The following MRE11 variants were observed in gnomAD, a reference collection of about 807,000 sequenced individuals.
MRE11 encodes MRE11 double strand break repair nuclease.
In MRE11, 62 loss-of-function variants were observed where a neutral mutation model predicts 91.7. That is an observed-to-expected ratio of 0.68 (90% CI 0.55 to 0.84). MRE11 has a LOEUF of 0.84. Among genes scored for constraint, MRE11 ranks in the 40% least tolerant of loss-of-function variants. The pLI, the probability that MRE11 is intolerant of heterozygous loss-of-function variation, is 0.00. For missense variants in MRE11, 796 were observed against 852.9 expected (o/e 0.93, Z 0.83); for synonymous variants, 273 against 271.4 (o/e 1.01, Z -0.06).
At chr11:94,473,725 A>G (rs1946774963) in intron 7 of MRE11, among the ~76,000 whole-genome samples, 1 of 152,164 alleles carries the variant, frequency 6.6e-6, no homozygotes, top group South Asian at 2.1e-4. Context: ...AGAAAGGCTA[A>G]AGACTAAAAT....
intron 18 of MRE11, among the ~76,000 whole-genome samples, chr11:94,431,093 AATTTT>A (rs1265163101): frequency 3.3e-5 from 5 of 152,214 alleles, no homozygotes; most frequent in African/African-American, 9.6e-5. Context: ...CTTAGTCTAC[AATTTT>A]ATTAACATGC....
At chr11:94,464,033 T>C in intron 11 of MRE11, 80 bp downstream of exon 11, 1 of 1,439,642 alleles carries the variant, frequency 6.9e-7, no homozygotes, top group Non-Finnish European at 9.7e-7. Flanking sequence ...TCTTCCATTA[T>C]TATGTTACAG....
At position 94,460,980 on chromosome 11, in the gene MRE11, TTAA is replaced by T. The variant is rs1289160835; in HGVS notation, c.1279_1281del (p.Leu427del). The T allele has an allele frequency of 3.1e-6, 5 of 1,613,728 alleles. No individual in the cohort carries two copies. In the South Asian group the frequency reaches 5.5e-5, roughly 18 times the overall value. On this transcript the variant is annotated inframe_deletion, in exon 12 of 20. Coordinates refer to ENST00000323929, the MANE Select transcript of MRE11 (RefSeq NM_005591.4). ...TACTGTTTTACAAGATCTTCTACCC[TTAA>T]AGTTGTTCCTTCTGAAGGCTTTGTG...
chr11:94,461,142 T>C (rs1238344658), intron 11 of MRE11, 106 bp from the exon 12 acceptor site: 1 of 845,604 alleles, frequency 1.2e-6, no homozygotes, highest in Non-Finnish European at 1.9e-6. Flanking sequence ...CTTTAGCAAC[T>C]GCCAGCTTGC....
At chr11:94,425,405 A>G (rs997938297) in intron 19 of MRE11, among the ~76,000 whole-genome samples, 6 of 152,208 alleles carry the variant, frequency 3.9e-5, no homozygotes, top group South Asian at 4.1e-4. Context: ...ACACTTAAGG[A>G]CATAGCTTAG....
rs538251523 is a variant in MRE11 at position 94,470,443 on chromosome 11, T to C, written c.1017+28A>G. On this transcript the variant is annotated intron_variant, in intron 9 of 19. Transcript: ENST00000323929. The stretch of plus-strand genomic sequence containing the variant: ...TGAATAATTCTTCAACTAAAGTAGA[T>C]CTCATTGACTTTATCAAAAAGAATT... The C allele has an allele frequency of 5.8e-5, 93 of 1,603,246 alleles. 1 individual carries two copies. In the South Asian group the frequency reaches 9.8e-4, roughly 17 times the overall value.
intron 18 of MRE11, among the ~76,000 whole-genome samples, chr11:94,433,722 G>A (rs557562076): frequency 2.0e-5 from 3 of 152,190 alleles, no homozygotes; most frequent in African/African-American, 7.2e-5. Flanking sequence ...ATGATTATGA[G>A]GCCTCCCCAG....
chr11:94,485,119 ACTACTCGCCTGTAATCCCAG>A (rs1947106408), intron 4 of MRE11, among the ~76,000 whole-genome samples: 1 of 149,596 alleles, frequency 6.7e-6, no homozygotes, highest in Non-Finnish European at 1.5e-5. Flanking sequence ...TGTAATCCCA[ACTACTCGCCTGTAATCCCAG>A]CTACTCAGGA....
intron 17 of MRE11, among the ~76,000 whole-genome samples, chr11:94,436,181 A>T (rs112033036): frequency 1.3e-5 from 2 of 152,318 alleles, no homozygotes; most frequent in African/African-American, 4.8e-5. Flanking sequence ...GCATAGGCTC[A>T]TATGCAGACC....
chr11:94,492,797 C>G lies in MRE11; in HGVS notation c.5G>C (p.Ser2Thr), dbSNP rs1487843687. Residue 2 changes from serine to threonine, a missense_variant, in exon 2 of 20, where the codon AGT becomes ACT. Physicochemically the swap from Ser to Thr is moderately conservative, Grantham distance 58. Transcript: ENST00000323929. ...AGGTGCTTACAGTGCATCTGCAGTACTCATTTTTATGGTCAGTCAAGCTCC... is the reference window on the plus strand; with the variant it reads ...AGGTGCTTACAGTGCATCTGCAGTAGTCATTTTTATGGTCAGTCAAGCTCC... M[S>T]TADALDDENT... 5 of 1,613,838 alleles carry G rather than the reference C, an allele frequency of 3.1e-6. No individual in the cohort carries two copies. Among genetic ancestry groups the G allele is most frequent in the Non-Finnish European group, 2.5e-6 (3 of 1,179,910 alleles).
Position 94,485,958 on chromosome 11 carries a change from G to A in MRE11, c.280C>T (p.Leu94Phe). The A allele has an allele frequency of 1.2e-6, 2 of 1,613,346 alleles. No homozygotes were observed. Among genetic ancestry groups the A allele is most frequent in the South Asian group, 2.2e-5 (2 of 91,040 alleles). Residue 94 changes from leucine (L) to phenylalanine (F), a missense_variant, in exon 4 of 20, where the codon CTC becomes TTC. By Grantham distance (22) the Leu-to-Phe change is conservative. Coordinates refer to ENST00000323929, the MANE Select transcript of MRE11 (RefSeq NM_005591.4). ...CCAAAGTTGACTGACTGATCACTGA[G>A]AATTTCAAACTGGACAGGCCGATCA... Reference protein sequence around the residue: ...MGDRPVQFEILSDQSVNFGFS... With the variant: ...MGDRPVQFEIFSDQSVNFGFS...
intron 14 of MRE11, among the ~76,000 whole-genome samples, chr11:94,453,088 T>C (rs1946156029): frequency 6.6e-6 from 1 of 152,228 alleles, no homozygotes; most frequent in South Asian, 2.1e-4. Flanking sequence ...ATATTTGTCC[T>C]TTTGCAACTG....
At chr11:94,456,187 T>C (rs551394079) in intron 14 of MRE11, 89 bp downstream of exon 14, 1 of 1,246,706 alleles carries the variant, frequency 8.0e-7, no homozygotes, top group South Asian at 1.2e-5. Flanking sequence ...CCCCTAGACC[T>C]ATGGACTGAC....
At chr11:94,430,874 C>T (rs1945446756) in intron 18 of MRE11, among the ~76,000 whole-genome samples, 1 of 152,076 alleles carries the variant, frequency 6.6e-6, no homozygotes, top group Non-Finnish European at 1.5e-5. Flanking sequence ...TCTAGCCCAC[C>T]ACCAGGTTTT....
chr11:94,440,964 C>A (rs1945764696), intron 16 of MRE11, among the ~76,000 whole-genome samples: 1 of 152,144 alleles, frequency 6.6e-6, no homozygotes, highest in African/African-American at 2.4e-5. Flanking sequence ...AATCCAAAGT[C>A]CTGCTATGAA....
the MRE11 span, among the ~76,000 whole-genome samples, chr11:94,505,654 G>T: frequency 1.5e-4 from 23 of 152,084 alleles, no homozygotes; most frequent in Non-Finnish European, 3.2e-4. Context: ...AAATATGTTT[G>T]CATAAATTTA....
At chr11:94,452,236 C>T (rs1375690972) in intron 14 of MRE11, among the ~76,000 whole-genome samples, 1 of 149,968 alleles carries the variant, frequency 6.7e-6, no homozygotes, top group Non-Finnish European at 1.5e-5. Flanking sequence ...ATACCCTACT[C>T]GAAAGAGAAA....
intron 7 of MRE11, 49 bp downstream of exon 7, chr11:94,476,240 T>G (rs1416879810): frequency 1.7e-6 from 2 of 1,196,354 alleles, no homozygotes; most frequent in African/African-American, 1.5e-5. Flanking sequence ...AGAAACAGAT[T>G]TGGGAAGCCT....
chr11:94,427,301 C>T (rs1945349334), intron 19 of MRE11, among the ~76,000 whole-genome samples: 1 of 152,068 alleles, frequency 6.6e-6, no homozygotes, highest in Admixed American at 6.6e-5. Flanking sequence ...ACGATATGAT[C>T]ACTTCAACAG....
Sources: allele counts gnomAD v4.1 joint callset (sites outside exome capture counted in the v4.1 genomes callset), GRCh38; gene constraint gnomAD v4.1.1; transcripts MANE v1.5; gene names NCBI Gene and HGNC (gene_info 2026-07-23, HGNC 2026-07-21).